The following PTPRK variants were observed in gnomAD, a reference collection of about 807,000 sequenced individuals.
The protein encoded by PTPRK is protein tyrosine phosphatase receptor type K, also known as receptor-type tyrosine-protein phosphatase kappa.
PTPRK carries 75 observed loss-of-function variants against 178.0 expected under a neutral mutation model. That is an observed-to-expected ratio of 0.42 (90% confidence interval 0.35 to 0.51). The LOEUF (loss-of-function observed/expected upper bound fraction) is 0.51, where lower values mean the gene tolerates loss of function less well. Ranked by LOEUF, PTPRK falls within the 20% of genes least tolerant of loss-of-function variation. The pLI is 0.02. For synonymous variants in PTPRK, 637 were observed against 620.6 expected (o/e 1.03, Z -0.39); for missense variants, 1,441 against 1,797.8 (o/e 0.80, Z 3.59).
intron 3 of PTPRK, among the ~76,000 whole-genome samples, chr6:128,314,769 G>T (rs985573419): frequency 5.3e-5 from 8 of 151,780 alleles, no homozygotes; most frequent in African/African-American, 1.7e-4. Flanking sequence ...TTAAACACAG[G>T]TCAAATGAGA....
chr6:128,349,743 G>A (rs1198057777), intron 2 of PTPRK, among the ~76,000 whole-genome samples: 1 of 152,098 alleles, frequency 6.6e-6, no homozygotes, highest in Non-Finnish European at 1.5e-5. Flanking sequence ...AGGCGTTATA[G>A]TCTATTTGTT....
chr6:128,036,614 T>C (rs542741053), intron 13 of PTPRK, among the ~76,000 whole-genome samples: 1 of 152,158 alleles, frequency 6.6e-6, no homozygotes, highest in South Asian at 2.1e-4. Flanking sequence ...ACTAAAATAC[T>C]GAAATAAATA....
intron 13 of PTPRK, among the ~76,000 whole-genome samples, chr6:128,017,738 T>TAA (rs1246857332): frequency 1.6e-5 from 2 of 121,494 alleles, no homozygotes; most frequent in Non-Finnish European, 3.3e-5. Context: ...TCTATATATA[T>TAA]AATATATAAA....
At chr6:128,512,119 G>A (rs538268328) in intron 1 of PTPRK, among the ~76,000 whole-genome samples, 6 of 152,250 alleles carry the variant, frequency 3.9e-5, no homozygotes, top group East Asian at 1.9e-4. Flanking sequence ...GAAGATATAC[G>A]AAAGTGCCCT....
intron 7 of PTPRK, among the ~76,000 whole-genome samples, chr6:128,114,075 G>A (rs113538182): frequency 0.026 from 3,925 of 152,164 alleles, 97 homozygotes; most frequent in Middle Eastern, 0.092. Context: ...CTAAGAGGCA[G>A]GAGTTGATTA....
intron 3 of PTPRK, among the ~76,000 whole-genome samples, chr6:128,318,413 A>G (rs1240247283): frequency 6.6e-6 from 1 of 152,212 alleles, no homozygotes; most frequent in Admixed American, 6.5e-5. Flanking sequence ...CATGCCTGTC[A>G]ATTCTTACAT....
At chr6:128,477,610 T>C (rs1851531499) in intron 1 of PTPRK, among the ~76,000 whole-genome samples, 1 of 152,158 alleles carries the variant, frequency 6.6e-6, no homozygotes, top group South Asian at 2.1e-4. Flanking sequence ...AAAAGCTAAA[T>C]TTCAAGAATA....
chr6:128,355,093 C>G (rs1305207604), intron 2 of PTPRK, among the ~76,000 whole-genome samples: 1 of 152,190 alleles, frequency 6.6e-6, no homozygotes, highest in African/African-American at 2.4e-5. Context: ...ACAGCTAACT[C>G]TAAAATTCTT....
chr6:128,060,781 C>G (rs1780672661), intron 13 of PTPRK, among the ~76,000 whole-genome samples: 1 of 151,880 alleles, frequency 6.6e-6, no homozygotes, highest in Non-Finnish European at 1.5e-5. Flanking sequence ...AAAATAAAGT[C>G]TTAGCTTTGG....
chr6:127,989,193 C>T (rs1391601417), intron 21 of PTPRK, among the ~76,000 whole-genome samples: 1 of 152,010 alleles, frequency 6.6e-6, no homozygotes, highest in Non-Finnish European at 1.5e-5. Flanking sequence ...CTTGTATGAA[C>T]TTAAGAGACT....
intron 13 of PTPRK, among the ~76,000 whole-genome samples, chr6:128,012,273 G>A (rs1376218344): frequency 6.6e-6 from 1 of 150,820 alleles, no homozygotes; most frequent in Non-Finnish European, 1.5e-5. Flanking sequence ...ATTTTTTTAA[G>A]TACTTGGCTT....
chr6:128,155,096 A>T lies in PTPRK; in HGVS notation c.1162+29336T>A, dbSNP rs148622718. Among the ~76,000 whole-genome samples the T allele has an allele frequency of 4.4e-3, 661 of 151,892 alleles. 1 individual carries two copies. Among genetic ancestry groups the T allele is most frequent in the Non-Finnish European group, 6.7e-3 (453 of 67,804 alleles). Reference sequence around the variant, plus strand: ...TACATCCTAGCAATATTTATACATTATATAATAGAAAGTCCTACATTCTAG... The same window carrying T: ...TACATCCTAGCAATATTTATACATTTTATAATAGAAAGTCCTACATTCTAG... On this transcript the variant is annotated intron_variant, in intron 7 of 29. Coordinates refer to ENST00000368226, the MANE Select transcript of PTPRK (RefSeq NM_002844.4).
chr6:128,357,113 G>A (rs1834063883), intron 2 of PTPRK, among the ~76,000 whole-genome samples: 1 of 152,166 alleles, frequency 6.6e-6, no homozygotes, highest in Admixed American at 6.5e-5. Context: ...ATTAAGATGA[G>A]ACAGAGCACA....
chr6:128,113,796 C>T (rs1463320206), intron 7 of PTPRK, among the ~76,000 whole-genome samples: 1 of 152,036 alleles, frequency 6.6e-6, no homozygotes, highest in Non-Finnish European at 1.5e-5. Flanking sequence ...AAAAACACCT[C>T]ACAAGGAAGA....
At chr6:128,302,736 G>T (rs765437016) in intron 3 of PTPRK, among the ~76,000 whole-genome samples, 1 of 151,968 alleles carries the variant, frequency 6.6e-6, no homozygotes, top group African/African-American at 2.4e-5. Flanking sequence ...ATAAATGTTG[G>T]TATTCATGAA....
rs541564295 is a variant in PTPRK at position 128,158,209 on chromosome 6, A to G, written c.1162+26223T>C. Among the ~76,000 whole-genome samples the G allele has an allele frequency of 5.3e-5, 8 of 152,020 alleles. No individual in the cohort carries two copies. The South Asian group carries it at 1.2e-3, about 24-fold the overall frequency. ...CTCACTCATAGGTGGGAATCGAACA[A>G]TGAGAACACTTGGACACAGGGAGAG... On this transcript the variant is annotated intron_variant, in intron 7 of 29. Transcript: ENST00000368226.
intron 13 of PTPRK, among the ~76,000 whole-genome samples, chr6:128,036,740 CT>C (rs71543131): frequency 6.0e-4 from 88 of 145,754 alleles, no homozygotes; most frequent in Admixed American, 5.5e-4. Context: ...CTCCTCCCTC[CT>C]TTTTTTTTTT....
chr6:128,503,990 C>T (rs1371044331), intron 1 of PTPRK, among the ~76,000 whole-genome samples: 1 of 151,912 alleles, frequency 6.6e-6, no homozygotes, highest in Non-Finnish European at 1.5e-5. Context: ...TAAGGTGTTG[C>T]CAACAAGACC....
intron 12 of PTPRK, among the ~76,000 whole-genome samples, chr6:128,066,192 T>C (rs903193785): frequency 6.6e-6 from 1 of 152,136 alleles, no homozygotes; most frequent in African/African-American, 2.4e-5. Context: ...ATAACTTCCA[T>C]TGTGTTCTGT....
Sources: allele counts gnomAD v4.1 joint callset (sites outside exome capture counted in the v4.1 genomes callset), GRCh38; gene constraint gnomAD v4.1.1; transcripts MANE v1.5; gene names NCBI Gene and HGNC (gene_info 2026-07-23, HGNC 2026-07-21).